The following FBXO38 variants were observed in gnomAD, a reference collection of about 807,000 sequenced individuals.
FBXO38 encodes F-box only protein 38.
Under a neutral mutation model 131.9 loss-of-function variants are expected in FBXO38, and 53 were observed. The ratio of observed to expected loss-of-function variants is 0.40; its 90% CI spans 0.32 to 0.51. FBXO38 has a LOEUF of 0.51. Ranked by LOEUF, FBXO38 falls within the 20% of genes least tolerant of loss-of-function variation. The pLI is 0.53. For synonymous variants in FBXO38, 452 were observed against 505.6 expected, an observed-to-expected ratio of 0.89 and a Z score of 1.42; for missense variants, 1,076 against 1,475.6, an observed-to-expected ratio of 0.73 and a Z score of 4.44.
chr5:148,405,461 G>T (rs926392657), intron 6 of FBXO38, among the ~76,000 whole-genome samples: 1 of 151,932 alleles, frequency 6.6e-6, no homozygotes, highest in Non-Finnish European at 1.5e-5. Context: ...TCAAAATATT[G>T]GACACCGCTG....
chr5:148,391,204 G>A (rs999601717), intron 1 of FBXO38, among the ~76,000 whole-genome samples: 1 of 152,196 alleles, frequency 6.6e-6, no homozygotes, highest in Non-Finnish European at 1.5e-5. Flanking sequence ...TCTCATAAGA[G>A]CATGAAATGG....
chr5:148,416,109 G>T, intron 11 of FBXO38, 39 bp downstream of exon 11: 3 of 1,475,144 alleles, frequency 2.0e-6, no homozygotes, highest in Non-Finnish European at 2.7e-6. Flanking sequence ...TATTTTGATA[G>T]GAAAGAAAAT....
intron 2 of FBXO38, among the ~76,000 whole-genome samples, chr5:148,396,547 C>G (rs2113512442): frequency 6.6e-6 from 1 of 152,238 alleles, no homozygotes; most frequent in South Asian, 2.1e-4. Flanking sequence ...ACAAATCCTT[C>G]AAAATTCTTT....
intron 10 of FBXO38, 44 bp from the exon 11 acceptor site, chr5:148,415,884 A>G (rs775953794): frequency 1.4e-5 from 22 of 1,608,002 alleles, no homozygotes; most frequent in Non-Finnish European, 1.8e-5. Flanking sequence ...GTAATGGGGA[A>G]AATGTTACTT....
chr5:148,391,839 C>T (rs1581220701), intron 1 of FBXO38, among the ~76,000 whole-genome samples: 1 of 152,296 alleles, frequency 6.6e-6, no homozygotes. Context: ...TCTGTTATCA[C>T]TCCTCAAAGG....
chr5:148,421,634 C>A (rs1475454117), intron 12 of FBXO38, among the ~76,000 whole-genome samples: 1 of 151,894 alleles, frequency 6.6e-6, no homozygotes, highest in South Asian at 2.1e-4. Flanking sequence ...TATATGTATA[C>A]ATATACATAT....
In FBXO38 at chr5:148,406,252, TC is replaced by T. The variant is rs752172452; in HGVS notation, c.731-3del. On this transcript the variant is annotated splice_polypyrimidine_tract_variant and splice_region_variant and intron_variant, in intron 6 of 21. Transcript: ENST00000340253. Reference sequence around the variant, plus strand: ...GTTCTATCAAAGATTTTTTTTTTTTTCCAGGACCCACAAATTCCTTGAAATA... The same window carrying T: ...GTTCTATCAAAGATTTTTTTTTTTTTCAGGACCCACAAATTCCTTGAAATA... The T allele has an allele frequency of 1.9e-6, 3 of 1,564,744 alleles. No individual in the cohort carries two copies. The highest frequency in any genetic ancestry group is 2.6e-6 in the Non-Finnish European group (3 of 1,161,640).
At chr5:148,397,542 A>G (rs1758545674) in intron 2 of FBXO38, 1 of 152,212 alleles carries the variant, frequency 6.6e-6, no homozygotes, top group African/African-American at 2.4e-5. Flanking sequence ...CTTATAATCT[A>G]AGTTATAGAG....
intron 11 of FBXO38, 55 bp from the exon 12 acceptor site, chr5:148,416,939 A>G (rs1301598944): frequency 1.0e-6 from 1 of 995,012 alleles, no homozygotes; most frequent in Non-Finnish European, 1.6e-6. Flanking sequence ...ATTAAAAATG[A>G]AGGGATATAT....
chr5:148,385,802 G>C (rs1247530634), intron 1 of FBXO38, among the ~76,000 whole-genome samples: 2 of 152,192 alleles, frequency 1.3e-5, no homozygotes, highest in Non-Finnish European at 2.9e-5. Context: ...TGAGCAAGCT[G>C]AAACCAATAG....
intron 9 of FBXO38, chr5:148,413,444 T>C (rs981357288): frequency 2.6e-5 from 4 of 152,170 alleles, no homozygotes; most frequent in African/African-American, 7.2e-5. Context: ...AAGATGTAAC[T>C]ATGAACTAAC....
chr5:148,393,118 C>A (rs992842941), intron 1 of FBXO38, among the ~76,000 whole-genome samples: 2 of 151,542 alleles, frequency 1.3e-5, no homozygotes, highest in Non-Finnish European at 2.9e-5. Flanking sequence ...TAGCATAGCC[C>A]ATATACCAGT....
chr5:148,389,137 A>G (rs1561509018), intron 1 of FBXO38, among the ~76,000 whole-genome samples: 1 of 152,204 alleles, frequency 6.6e-6, no homozygotes, highest in Non-Finnish European at 1.5e-5. Context: ...ATATTTATCA[A>G]TCAAGTTTGC....
intron 5 of FBXO38, among the ~76,000 whole-genome samples, 187 bp from the exon 6 acceptor site, chr5:148,404,498 G>A (rs539252837): frequency 1.7e-4 from 26 of 152,186 alleles, no homozygotes; most frequent in African/African-American, 3.6e-4. Flanking sequence ...TATGGTTTAC[G>A]TAAACTGTTC....
intron 1 of FBXO38, among the ~76,000 whole-genome samples, chr5:148,389,344 C>T (rs543088548): frequency 5.9e-5 from 9 of 152,308 alleles, no homozygotes; most frequent in Non-Finnish European, 1.0e-4. Flanking sequence ...ACTTGCCTGA[C>T]GCAGTGTTGC....
In FBXO38 at chr5:148,425,711, T is replaced by A. The variant is rs940922892; in HGVS notation, c.1918+10T>A. 1 of 1,610,278 alleles carries A rather than the reference T, an allele frequency of 6.2e-7. No individual in the cohort carries two copies. The highest frequency in any genetic ancestry group is 1.7e-5 in the Admixed American group (1 of 59,674). ...TCCAGAGAATTGTCAGGTGAGAAAT[T>A]GTCTTTCTCTGAACTATTAATGAGA... On this transcript the variant is annotated intron_variant, in intron 14 of 21. Transcript: ENST00000340253.
chr5:148,430,083 T>C (rs1417213568), intron 15 of FBXO38: 2 of 150,998 alleles, frequency 1.3e-5, no homozygotes, highest in Non-Finnish European at 3.0e-5. Flanking sequence ...TTTAATATTA[T>C]TAAAGTCCCT....
At position 148,399,001 on chromosome 5, in the gene FBXO38, A is replaced by G. The variant is rs770050273; in HGVS notation, c.131A>G (p.Tyr44Cys). ...ACGAGTTTCTTTCTCTCACAAAGGT[A>G]CCTCCCTCTGCAGGATATCATGTGT... is the stretch of plus-strand genomic sequence containing the variant. Reference protein sequence around the residue: ...SHEVLCHIFRYLPLQDIMCME... With the variant: ...SHEVLCHIFRCLPLQDIMCME... The change falls in exon 3 of 22, where the codon TAC (tyrosine) becomes TGC (cysteine). Residue 44 changes from tyrosine (Y) to cysteine (C), a missense_variant and splice_region_variant. Coordinates refer to ENST00000340253, the MANE Select transcript of FBXO38 (RefSeq NM_205836.3). 2.5e-6 allele frequency: 4 copies of G among 1,612,974 alleles called. No homozygotes were observed. Among genetic ancestry groups the G allele is most frequent in the African/African-American group, 1.3e-5 (1 of 74,826 alleles).
In FBXO38 at chr5:148,442,194, C is replaced by T; in HGVS notation, c.*47C>T. 6.3e-7 allele frequency: 1 copy of T among 1,575,266 alleles called. No individual in the cohort carries two copies. The highest frequency in any genetic ancestry group is 8.7e-7 in the Non-Finnish European group (1 of 1,151,508). On this transcript the variant is annotated 3_prime_UTR_variant, in exon 22 of 22. Coordinates refer to ENST00000340253, the MANE Select transcript of FBXO38 (RefSeq NM_205836.3). ...CTATTTTGTCAGAAAGCAAGTAGGG[C>T]CATCCAGCTGCCAGAGTGCTCCACA...
Sources: gnomAD v4.1 joint callset for allele counts (sites outside exome capture counted in the v4.1 genomes callset) on GRCh38, gnomAD v4.1.1 for gene constraint, MANE v1.5 for transcripts, NCBI Gene and HGNC (gene_info 2026-07-23, HGNC 2026-07-21) for gene names.